The following IGF2BP3 variants were observed in gnomAD, a reference collection of about 807,000 sequenced individuals.
IGF2BP3 encodes insulin-like growth factor 2 mRNA-binding protein 3.
In IGF2BP3, 9 loss-of-function variants were observed where a neutral mutation model predicts 73.8. That is an observed-to-expected ratio of 0.12 (90% CI 0.07 to 0.21). The LOEUF (loss-of-function observed/expected upper bound fraction) is 0.21, where lower values mean the gene tolerates loss of function less well. Ranked by LOEUF, IGF2BP3 falls within the 10% of genes least tolerant of loss-of-function variation. The pLI, the probability that IGF2BP3 is intolerant of heterozygous loss-of-function variation, is 1.00. For synonymous variants in IGF2BP3, 258 were observed against 256.7 expected, an observed-to-expected ratio of 1.01 and a Z score of -0.05; for missense variants, 542 against 714.0, an observed-to-expected ratio of 0.76 and a Z score of 2.75.
At chr7:23,386,390 A>G (rs1417555021) in intron 3 of IGF2BP3, among the ~76,000 whole-genome samples, 1 of 152,160 alleles carries the variant, frequency 6.6e-6, no homozygotes, top group Non-Finnish European at 1.5e-5. Context: ...TAGTGCCAGA[A>G]AGTACGTACT....
At chr7:23,443,548 C>G (rs1027621932) in intron 2 of IGF2BP3, among the ~76,000 whole-genome samples, 1 of 152,012 alleles carries the variant, frequency 6.6e-6, no homozygotes, top group African/African-American at 2.4e-5. Context: ...CACCTGTAAT[C>G]CCAGCTACTT....
intron 10 of IGF2BP3, among the ~76,000 whole-genome samples, chr7:23,341,531 G>C (rs1055168050): frequency 6.6e-6 from 1 of 152,082 alleles, no homozygotes; most frequent in Non-Finnish European, 1.5e-5. Context: ...AGCCGGGTGT[G>C]GTGTGGCACA....
Position 23,312,183 on chromosome 7 carries a change from G to C in IGF2BP3, c.*179C>G, listed in dbSNP as rs1783850035. The C allele has an allele frequency of 1.9e-6, 1 of 535,658 alleles. No individual in the cohort carries two copies. The highest frequency in any genetic ancestry group is 3.4e-6 in the Non-Finnish European group (1 of 295,118). The allele number at this position is 535,658 out of a possible 1,614,324, so 33.2% of individuals were successfully genotyped here. A position where few individuals can be genotyped will look rare whatever the true frequency, so the allele number is the denominator to read the frequency against. ...AGCTGGGTGTCATACATTTCAGAGAGCATAAAGTATACATTCTCACAGAGA... is the reference window on the plus strand; with the variant it reads ...AGCTGGGTGTCATACATTTCAGAGACCATAAAGTATACATTCTCACAGAGA... On this transcript the variant is annotated 3_prime_UTR_variant, in exon 15 of 15. Coordinates refer to ENST00000258729, the MANE Select transcript of IGF2BP3 (RefSeq NM_006547.3).
At chr7:23,392,741 C>T (rs1267991234) in intron 3 of IGF2BP3, among the ~76,000 whole-genome samples, 1 of 152,034 alleles carries the variant, frequency 6.6e-6, no homozygotes, top group Non-Finnish European at 1.5e-5. Context: ...GGGATACTCC[C>T]ACCTCAGCCT....
chr7:23,442,867 C>G (rs1480767235), intron 2 of IGF2BP3, among the ~76,000 whole-genome samples: 1 of 151,930 alleles, frequency 6.6e-6, no homozygotes, highest in Non-Finnish European at 1.5e-5. Flanking sequence ...TTGATAAATT[C>G]AGAGATTTAT....
chr7:23,321,196 C>T (rs201189328), intron 10 of IGF2BP3, among the ~76,000 whole-genome samples: 349 of 138,666 alleles, frequency 2.5e-3, no homozygotes, highest in South Asian at 4.8e-3. Flanking sequence ...AGACAGTGGG[C>T]GCAGGTCAGT....
chr7:23,329,992 T>C (rs1784402110), intron 10 of IGF2BP3, among the ~76,000 whole-genome samples: 1 of 152,058 alleles, frequency 6.6e-6, no homozygotes, highest in Non-Finnish European at 1.5e-5. Flanking sequence ...TGCTTTAAAA[T>C]ACAGCCAGAG....
In IGF2BP3 at chr7:23,312,268, G is replaced by T. The variant is rs1187663021; in HGVS notation, c.*94C>A. 2.2e-6 allele frequency: 2 copies of T among 914,312 alleles called. No homozygotes were observed. Among genetic ancestry groups the T allele is most frequent in the East Asian group, 2.4e-5 (1 of 41,408 alleles). The allele number at this position is 914,312 out of a possible 1,614,324, so 56.6% of individuals were successfully genotyped here. A position where few individuals can be genotyped will look rare whatever the true frequency, so the allele number is the denominator to read the frequency against. ...ACTGGCTAGGTAAAAACTTGTGCAT[G>T]TGATTCTGGATAGGGGGTCAGCGCC... is the stretch of plus-strand genomic sequence containing the variant. On this transcript the variant is annotated 3_prime_UTR_variant, in exon 15 of 15. Coordinates refer to ENST00000258729, the MANE Select transcript of IGF2BP3 (RefSeq NM_006547.3).
At chr7:23,344,478 A>C (rs1784785637) in intron 8 of IGF2BP3, among the ~76,000 whole-genome samples, 1 of 152,242 alleles carries the variant, frequency 6.6e-6, no homozygotes, top group Non-Finnish European at 1.5e-5. Context: ...GATGCCATTT[A>C]GATAACAAAA....
intron 3 of IGF2BP3, among the ~76,000 whole-genome samples, chr7:23,409,719 T>C (rs1196106485): frequency 6.6e-6 from 1 of 152,092 alleles, no homozygotes; most frequent in Non-Finnish European, 1.5e-5. Flanking sequence ...GAAGCATACA[T>C]TACATAAAAA....
rs184292438 is a variant in IGF2BP3 at position 23,314,823 on chromosome 7, A to T, written c.1396-1170T>A. 4.6e-3 allele frequency among the ~76,000 whole-genome samples: 697 copies of T among 152,320 alleles called. 8 individuals carry two copies. The highest frequency in any genetic ancestry group is 0.016 in the African/African-American group (648 of 41,576). ...GACACTTTTTTCTTTTTTGAGACAG[A>T]GTCTCACCCTGTCATGCAGGCTGAA... On this transcript the variant is annotated intron_variant, in intron 12 of 14. Transcript: ENST00000258729.
At chr7:23,361,460 T>G in intron 5 of IGF2BP3, 74 bp downstream of exon 5, 124 of 1,267,102 alleles carry the variant, frequency 9.8e-5, no homozygotes, top group Non-Finnish European at 1.3e-4. Flanking sequence ...CCTTCTCAGT[T>G]GAGAAATCCG....
intron 10 of IGF2BP3, among the ~76,000 whole-genome samples, chr7:23,335,914 T>C (rs1784561869): frequency 6.6e-6 from 1 of 152,198 alleles, no homozygotes; most frequent in Admixed American, 6.5e-5. Flanking sequence ...GCCAGTTAAG[T>C]ACTGTACGAG....
intron 2 of IGF2BP3, among the ~76,000 whole-genome samples, chr7:23,457,138 A>C (rs1166898407): frequency 2.6e-5 from 4 of 152,066 alleles, no homozygotes; most frequent in African/African-American, 9.7e-5. Flanking sequence ...TTGACATAAC[A>C]ATTCCCAGTT....
At chr7:23,370,337 A>C (rs554993463) in intron 3 of IGF2BP3, among the ~76,000 whole-genome samples, 135 of 152,334 alleles carry the variant, frequency 8.9e-4, no homozygotes, top group Middle Eastern at 3.4e-3. Flanking sequence ...TCCATGCTTA[A>C]GCTGGCAGGT....
intron 3 of IGF2BP3, among the ~76,000 whole-genome samples, chr7:23,399,458 C>T (rs1786591041): frequency 6.6e-6 from 1 of 150,858 alleles, no homozygotes; most frequent in Non-Finnish European, 1.5e-5. Flanking sequence ...AGGACTACAG[C>T]CAGGCACTAG....
chr7:23,372,324 T>C (rs368898268), intron 3 of IGF2BP3, among the ~76,000 whole-genome samples: 27 of 151,876 alleles, frequency 1.8e-4, no homozygotes, highest in African/African-American at 6.1e-4. Context: ...CTGCCCCCCC[T>C]GGCCTCCCAA....
chr7:23,351,452 G>C lies in IGF2BP3; in HGVS notation c.536C>G (p.Ser179Cys). 6.2e-7 allele frequency: 1 copy of C among 1,613,784 alleles called. No individual in the cohort carries two copies. Among genetic ancestry groups the C allele is most frequent in the Non-Finnish European group, 8.5e-7 (1 of 1,179,874 alleles). ...RGRRGLGQRG[S>C]SRQGSPGSVS... The stretch of plus-strand genomic sequence containing the variant: ...GGATCCTGGAGACCCCTGCCTTGAG[G>C]AGCCCCTCTGCCCAAGCCCCCGGCG... The change falls in exon 6 of 15, where the codon TCC becomes TGC. Residue 179 changes from serine (S) to cysteine (C), a missense_variant. Ser to Cys is a moderately radical substitution (Grantham distance 112). This residue lies in a region of IGF2BP3 where 239 missense variants were observed against 241.9 expected (regional missense o/e 0.99). Coordinates refer to ENST00000258729, the MANE Select transcript of IGF2BP3 (RefSeq NM_006547.3).
At chr7:23,372,679 G>A (rs1304625961) in intron 3 of IGF2BP3, among the ~76,000 whole-genome samples, 2 of 152,106 alleles carry the variant, frequency 1.3e-5, no homozygotes, top group African/African-American at 4.8e-5. Flanking sequence ...AACTCTAAGA[G>A]ATCCCTAACA....
Sources: allele counts gnomAD v4.1 joint callset (sites outside exome capture counted in the v4.1 genomes callset), GRCh38; gene constraint gnomAD v4.1.1; regional missense constraint gnomAD v4.1.1; transcripts MANE v1.5; gene names NCBI Gene and HGNC (gene_info 2026-07-23, HGNC 2026-07-21).